The following GABPA variants were observed in gnomAD, a reference collection of about 807,000 sequenced individuals.
GABPA encodes GA-binding protein alpha chain.
GABPA carries 4 observed loss-of-function variants against 59.4 expected under a neutral mutation model. The ratio of observed to expected loss-of-function variants is 0.07; its 90% CI spans 0.03 to 0.15. The LOEUF is 0.15. Ranked by LOEUF, GABPA falls within the 10% of genes least tolerant of loss-of-function variation. The pLI, the probability that GABPA is intolerant of heterozygous loss-of-function variation, is 1.00. For synonymous variants in GABPA, 164 were observed against 183.1 expected (o/e 0.90, Z 0.84); for missense variants, 251 against 543.8 (o/e 0.46, Z 5.36).
chr21:25,735,988 C>A (rs772872875), intron 1 of GABPA, among the ~76,000 whole-genome samples: 3 of 152,166 alleles, frequency 2.0e-5, no homozygotes, highest in Non-Finnish European at 4.4e-5. Context: ...CCTGTCTCAT[C>A]GCGGGACTCA....
rs112093941 is a variant in GABPA, at chr21:25,770,537, A to C, written c.*1305A>C. The C allele has an allele frequency of 9.2e-5, 14 of 152,240 alleles. No individual in the cohort carries two copies. The highest frequency in any genetic ancestry group is 3.1e-4 in the African/African-American group (13 of 41,592). 9.4% of individuals were successfully genotyped at this position (152,240 alleles called of 1,614,324 possible). ...TAAGGTATTAAGCACGAATTATTAC[A>C]TGAGACTGGCAGATAGCTATTAATC... On this transcript the variant is annotated 3_prime_UTR_variant, in exon 10 of 10. Coordinates refer to ENST00000400075, the MANE Select transcript of GABPA (RefSeq NM_002040.4).
At chr21:25,741,153 C>T (rs1448082972) in intron 1 of GABPA, among the ~76,000 whole-genome samples, 6 of 152,102 alleles carry the variant, frequency 3.9e-5, no homozygotes, top group Admixed American at 3.9e-4. Flanking sequence ...ATTTTTCAAA[C>T]AGGGTCTCTT....
intron 1 of GABPA, among the ~76,000 whole-genome samples, chr21:25,738,693 CAT>C (rs376791834): frequency 4.9e-4 from 75 of 152,294 alleles, no homozygotes; most frequent in African/African-American, 1.7e-3. Flanking sequence ...TTATTCAACA[CAT>C]ATTGGTGGAG....
intron 5 of GABPA, among the ~76,000 whole-genome samples, chr21:25,757,631 A>G (rs71651615): frequency 1.6e-4 from 25 of 152,004 alleles, no homozygotes; most frequent in Admixed American, 1.4e-3. Context: ...TCCCCTTTTG[A>G]TTTTTTTTCA....
intron 1 of GABPA, 35 bp from the exon 2 acceptor site, chr21:25,741,538 T>C: frequency 1.7e-6 from 2 of 1,167,858 alleles, no homozygotes; most frequent in Non-Finnish European, 2.5e-6. Context: ...TTTATGTGGA[T>C]AGTTTTAAAA....
Position 25,761,654 on chromosome 21 carries a change from T to A in GABPA, c.749-658T>A, listed in dbSNP as rs71651630. Among the ~76,000 whole-genome samples the A allele has an allele frequency of 6.8e-3, 1,029 of 152,304 alleles. 9 individuals carry two copies. Among genetic ancestry groups the A allele is most frequent in the African/African-American group, 0.024 (979 of 41,568 alleles). On this transcript the variant is annotated intron_variant, in intron 6 of 9. Coordinates refer to ENST00000400075, the MANE Select transcript of GABPA (RefSeq NM_002040.4). ...AAGTAATAGAGACTGGGATGTGCAA[T>A]TCTTGTGAGAGGTAAAGAATAACAT... is the stretch of plus-strand genomic sequence containing the variant.
chr21:25,747,906 G>GT lies in GABPA; in HGVS notation c.223-1121dup, dbSNP rs71649685. On this transcript the variant is annotated intron_variant, in intron 3 of 9. Transcript: ENST00000400075. ...ATCTATCTGTCTACAAGGTTACAAG[G>GT]TTTTTTTTTGTTTTGTTTTGTTTTT... is the stretch of plus-strand genomic sequence containing the variant. Among the ~76,000 whole-genome samples, 569 of 151,416 alleles carry GT rather than the reference G, an allele frequency of 3.8e-3. 1 individual carries two copies. The highest frequency in any genetic ancestry group is 0.013 in the African/African-American group (540 of 41,224).
chr21:25,762,183 G>A, intron 6 of GABPA, 129 bp from the exon 7 acceptor site: 1 of 536,688 alleles, frequency 1.9e-6, no homozygotes, highest in Non-Finnish European at 3.4e-6. Flanking sequence ...GTAAGTTTCA[G>A]TTCAGTGTTT....
At chr21:25,743,175 G>A (rs1201237306) in intron 2 of GABPA, among the ~76,000 whole-genome samples, 1 of 152,098 alleles carries the variant, frequency 6.6e-6, no homozygotes, top group African/African-American at 2.4e-5. Context: ...GCTGCTCATG[G>A]GATGGCAGCT....
intron 3 of GABPA, among the ~76,000 whole-genome samples, chr21:25,746,224 A>T (rs2035360245): frequency 6.6e-6 from 1 of 152,110 alleles, no homozygotes; most frequent in Non-Finnish European, 1.5e-5. Context: ...TGTGTTGGCC[A>T]GGCTGCTCTT....
intron 6 of GABPA, 23 bp from the exon 7 acceptor site, chr21:25,762,289 C>A: frequency 2.8e-6 from 4 of 1,435,768 alleles, no homozygotes; most frequent in South Asian, 2.6e-5. Flanking sequence ...TAAATAAAAA[C>A]AAAAAATTTT....
intron 1 of GABPA, among the ~76,000 whole-genome samples, chr21:25,739,041 A>C (rs1294156885): frequency 6.6e-6 from 1 of 152,064 alleles, no homozygotes; most frequent in African/African-American, 2.4e-5. Flanking sequence ...AGTCGGCTAG[A>C]TGTGCTTGTG....
chr21:25,748,976 G>A (rs897435184), intron 3 of GABPA, 60 bp from the exon 4 acceptor site: 1 of 1,013,330 alleles, frequency 9.9e-7, no homozygotes, highest in African/African-American at 1.6e-5. Context: ...TAAACCAAAG[G>A]CAAGGGACTT....
intron 9 of GABPA, among the ~76,000 whole-genome samples, chr21:25,766,592 G>A (rs2035895842): frequency 6.6e-6 from 1 of 151,858 alleles, no homozygotes; most frequent in Non-Finnish European, 1.5e-5. Flanking sequence ...ATATGCAAAG[G>A]TGTACGGCCT....
rs1264968730 is a variant in GABPA at position 25,736,683 on chromosome 21, A to G, written c.-27+1105A>G. On this transcript the variant is annotated intron_variant, in intron 1 of 9. Transcript: ENST00000400075. ...AAACTGTTGACTTTAGCCTTCCCTC[A>G]ACTCTTTATATATAAAACTCCAAAC... Among the ~76,000 whole-genome samples, 3 of 152,200 alleles carry G rather than the reference A, an allele frequency of 2.0e-5. No individual in the cohort carries two copies. In the East Asian group the frequency reaches 5.8e-4, roughly 29 times the overall value.
chr21:25,751,854 A>G (rs1461309604), intron 4 of GABPA, 135 bp from the exon 5 acceptor site: 2 of 845,276 alleles, frequency 2.4e-6, no homozygotes, highest in South Asian at 1.9e-5. Flanking sequence ...AGATTCCCCA[A>G]ATGTTAACTT....
At chr21:25,744,368 C>G (rs896326192) in intron 2 of GABPA, among the ~76,000 whole-genome samples, 2 of 152,058 alleles carry the variant, frequency 1.3e-5, no homozygotes, top group Admixed American at 6.6e-5. Flanking sequence ...AAAGTTTAAG[C>G]TATATACATT....
At chr21:25,740,132 T>C (rs2035182337) in intron 1 of GABPA, among the ~76,000 whole-genome samples, 1 of 152,198 alleles carries the variant, frequency 6.6e-6, no homozygotes. Flanking sequence ...CTACTTAGGT[T>C]GATACACCAA....
intron 6 of GABPA, among the ~76,000 whole-genome samples, chr21:25,762,086 A>G (rs2146093620): frequency 6.6e-6 from 1 of 152,322 alleles, no homozygotes; most frequent in African/African-American, 2.4e-5. Flanking sequence ...ACACTAAAAG[A>G]CATTGGAGCT....
Sources: allele counts gnomAD v4.1 joint callset (sites outside exome capture counted in the v4.1 genomes callset), GRCh38; gene constraint gnomAD v4.1.1; transcripts MANE v1.5; gene names NCBI Gene and HGNC (gene_info 2026-07-23, HGNC 2026-07-21).